NFX1: variants seen among roughly 807,000 people sequenced by gnomAD.
NFX1 encodes nuclear transcription factor, X-box binding 1.
Under a neutral mutation model 137.2 loss-of-function variants are expected in NFX1, and 69 were observed. The ratio of observed to expected loss-of-function variants is 0.50; its 90% confidence interval spans 0.41 to 0.61. NFX1 has a LOEUF of 0.61. Among genes scored for constraint, NFX1 ranks in the 20% least tolerant of loss-of-function variants. The pLI, the probability that NFX1 is intolerant of heterozygous loss-of-function variation, is 0.00. For synonymous variants in NFX1, 495 were observed against 474.1 expected, an observed-to-expected ratio of 1.04 and a Z score of -0.57; for missense variants, 1,167 against 1,391.0, an observed-to-expected ratio of 0.84 and a Z score of 2.56.
intron 3 of NFX1, 49 bp downstream of exon 3, chr9:33,301,470 T>TTTAA: frequency 6.4e-7 from 1 of 1,559,452 alleles, no homozygotes; most frequent in Non-Finnish European, 8.7e-7. Context: ...ATTTGATACG[T>TTTAA]TTAAGTATTA....
intron 7 of NFX1, among the ~76,000 whole-genome samples, chr9:33,316,435 T>G (rs1587834169): frequency 6.6e-6 from 1 of 151,970 alleles, no homozygotes; most frequent in Non-Finnish European, 1.5e-5. Context: ...TGTTTTTAGC[T>G]CTTGATTCAT....
intron 7 of NFX1, among the ~76,000 whole-genome samples, chr9:33,317,419 CAA>C (rs761378780): frequency 1.8e-4 from 10 of 54,300 alleles, no homozygotes; most frequent in Admixed American, 2.1e-4. Flanking sequence ...GCCCTGTCTC[CAA>C]AAAAAAAAAA....
intron 2 of NFX1, 121 bp from the exon 3 acceptor site, chr9:33,301,142 C>G: frequency 2.2e-6 from 2 of 891,884 alleles, no homozygotes; most frequent in Non-Finnish European, 3.4e-6. Context: ...ATCAGATATC[C>G]CTTAAAATCT....
intron 4 of NFX1, among the ~76,000 whole-genome samples, chr9:33,304,200 T>G (rs1423583731): frequency 1.3e-5 from 2 of 152,192 alleles, no homozygotes; most frequent in Non-Finnish European, 2.9e-5. Flanking sequence ...AGGCAGAGGT[T>G]GCAATGATCC....
At chr9:33,335,565 G>A (rs527995601) in intron 11 of NFX1, among the ~76,000 whole-genome samples, 5 of 152,174 alleles carry the variant, frequency 3.3e-5, no homozygotes, top group African/African-American at 1.2e-4. Flanking sequence ...AATATGTTGA[G>A]ACAGGGTCTC....
chr9:33,304,533 C>CT (rs1821685645), intron 4 of NFX1, among the ~76,000 whole-genome samples: 1 of 152,220 alleles, frequency 6.6e-6, no homozygotes, highest in Admixed American at 6.5e-5. Flanking sequence ...AACTCTGAAT[C>CT]TTCTAGATGC....
rs559702172 is a variant in NFX1 at position 33,369,429 on chromosome 9, T to C, written c.3291-477T>C. Among the ~76,000 whole-genome samples, 61 of 152,344 alleles carry C rather than the reference T, an allele frequency of 4.0e-4. 1 individual carries two copies. In the South Asian group the frequency reaches 0.012, roughly 31 times the overall value. The stretch of plus-strand genomic sequence containing the variant: ...TTTGTATAAAACTCTATTATGGAAA[T>C]GTTTTAGAGTAGAGAGAATAGTATT... On this transcript the variant is annotated intron_variant, in intron 23 of 23. Coordinates refer to ENST00000379540, the MANE Select transcript of NFX1 (RefSeq NM_002504.6).
At chr9:33,316,266 T>G (rs1296844571) in intron 7 of NFX1, among the ~76,000 whole-genome samples, 1 of 152,078 alleles carries the variant, frequency 6.6e-6, no homozygotes, top group Non-Finnish European at 1.5e-5. Context: ...GATCTGTAAT[T>G]AACAGGAAGT....
intron 11 of NFX1, among the ~76,000 whole-genome samples, chr9:33,337,694 A>C (rs998241873): frequency 1.3e-5 from 2 of 152,100 alleles, no homozygotes; most frequent in African/African-American, 2.4e-5. Context: ...ATGCTACTGC[A>C]CTCCAGCCTG....
intron 1 of NFX1, among the ~76,000 whole-genome samples, chr9:33,291,012 A>T (rs1436454776): frequency 6.6e-6 from 1 of 152,156 alleles, no homozygotes; most frequent in Non-Finnish European, 1.5e-5. Flanking sequence ...GCCGAATTCC[A>T]GTAGTTTAGA....
At chr9:33,344,593 G>T (rs1223678661) in intron 14 of NFX1, among the ~76,000 whole-genome samples, 1 of 151,808 alleles carries the variant, frequency 6.6e-6, no homozygotes. Flanking sequence ...AGGGCCAGGC[G>T]CAGTGGCTCA....
chr9:33,368,507 G>C (rs186633518), intron 23 of NFX1, among the ~76,000 whole-genome samples: 34 of 152,258 alleles, frequency 2.2e-4, no homozygotes, highest in African/African-American at 8.2e-4. Flanking sequence ...CAGAATTGTG[G>C]GCTGAAACCA....
chr9:33,367,678 C>G, intron 23 of NFX1, 59 bp downstream of exon 23: 6 of 1,517,752 alleles, frequency 4.0e-6, no homozygotes, highest in Non-Finnish European at 5.5e-6. Context: ...CTAGCAGGGG[C>G]TGAATTGTCC....
chr9:33,364,400 C>T (rs994996260), intron 20 of NFX1, among the ~76,000 whole-genome samples: 1 of 152,146 alleles, frequency 6.6e-6, no homozygotes, highest in African/African-American at 2.4e-5. Context: ...GATCTCTGGG[C>T]TTCATTCCAC....
intron 21 of NFX1, chr9:33,365,392 T>G (rs927285044): frequency 1.3e-5 from 2 of 152,454 alleles, no homozygotes; most frequent in African/African-American, 4.8e-5. Context: ...GCGGATCACT[T>G]GAGTCCAGGA....
At chr9:33,342,277 C>T (rs9776553) in intron 12 of NFX1, among the ~76,000 whole-genome samples, 16,745 of 151,946 alleles carry the variant, frequency 0.11, 1,172 homozygotes, top group East Asian at 0.19. Context: ...CTGGCTAACA[C>T]GGTGAAACCT....
rs1167656238 is a variant in NFX1, at chr9:33,316,313, T to C, written c.1589-2418T>C. Among the ~76,000 whole-genome samples, 3 of 147,476 alleles carry C rather than the reference T, an allele frequency of 2.0e-5. No homozygotes were observed. In the East Asian group the frequency reaches 5.8e-4, roughly 29 times the overall value. ...CTCTATCCTGGTACTTACCAAGCCTTTTTTTTTTTTTTGGATCTCGTTCTG... is the reference window on the plus strand; with the variant it reads ...CTCTATCCTGGTACTTACCAAGCCTCTTTTTTTTTTTTGGATCTCGTTCTG... On this transcript the variant is annotated intron_variant, in intron 7 of 23. Coordinates refer to ENST00000379540, the MANE Select transcript of NFX1 (RefSeq NM_002504.6).
intron 10 of NFX1, among the ~76,000 whole-genome samples, 182 bp from the exon 11 acceptor site, chr9:33,332,290 G>A (rs756670990): frequency 2.0e-5 from 3 of 152,216 alleles, no homozygotes; most frequent in Non-Finnish European, 4.4e-5. Flanking sequence ...CCTCTTGTGA[G>A]TAAAGCTCAT....
intron 1 of NFX1, among the ~76,000 whole-genome samples, chr9:33,294,001 AT>A (rs1821254271): frequency 6.6e-6 from 1 of 152,210 alleles, no homozygotes; most frequent in Admixed American, 6.5e-5. Context: ...ACTTTAACCC[AT>A]TTTGGCTTAG....
Sources: gnomAD v4.1 joint callset for allele counts (sites outside exome capture counted in the v4.1 genomes callset) on GRCh38, gnomAD v4.1.1 for gene constraint, MANE v1.5 for transcripts, NCBI Gene and HGNC (gene_info 2026-07-23, HGNC 2026-07-21) for gene names.